Variants in MYO3A observed in about 807,000 individuals in gnomAD.
MYO3A encodes the protein myosin-IIIa.
In MYO3A, 180 loss-of-function variants were observed where a neutral mutation model predicts 192.7. The observed-to-expected ratio is 0.93, with a 90% CI of 0.83 to 1.06. The LOEUF (loss-of-function observed/expected upper bound fraction) is 1.06. Ranked by LOEUF, MYO3A falls within the 50% of genes least tolerant of loss-of-function variation. MYO3A has a pLI of 0.00. For synonymous variants in MYO3A, 628 were observed against 645.3 expected, an observed-to-expected ratio of 0.97 and a Z score of 0.41; for missense variants, 1,896 against 1,905.0, an observed-to-expected ratio of 1.00 and a Z score of 0.09.
intron 14 of MYO3A, among the ~76,000 whole-genome samples, chr10:26,086,941 TAA>T (rs1836366032): frequency 6.6e-6 from 1 of 152,154 alleles, no homozygotes; most frequent in Admixed American, 6.5e-5. Context: ...CTTCTTAATC[TAA>T]TCTCTTTGTC....
At chr10:25,962,628 T>A (rs1451740529) in intron 4 of MYO3A, among the ~76,000 whole-genome samples, 1 of 152,156 alleles carries the variant, frequency 6.6e-6, no homozygotes, top group Non-Finnish European at 1.5e-5. Context: ...TTGACTGACT[T>A]GTTTAGTGAG....
chr10:26,014,656 G>T (rs36024300), intron 6 of MYO3A, among the ~76,000 whole-genome samples: 47,093 of 151,736 alleles, frequency 0.31, 7,834 homozygotes, highest in Middle Eastern at 0.45. Flanking sequence ...CTCCCAAGTT[G>T]ACACATAAAA....
intron 10 of MYO3A, among the ~76,000 whole-genome samples, chr10:26,060,539 C>T (rs1386050403): frequency 1.5e-5 from 2 of 131,444 alleles, no homozygotes; most frequent in Non-Finnish European, 1.7e-5. Context: ...CCAAAATTCA[C>T]AGCTCTCACT....
At chr10:26,199,699 G>A (rs1281213380) in intron 32 of MYO3A, among the ~76,000 whole-genome samples, 2 of 152,148 alleles carry the variant, frequency 1.3e-5, no homozygotes, top group African/African-American at 4.8e-5. Flanking sequence ...AGAAGGAAGT[G>A]CTGATCTAGT....
intron 9 of MYO3A, among the ~76,000 whole-genome samples, chr10:26,024,683 T>C (rs1842461348): frequency 6.6e-6 from 1 of 152,172 alleles, no homozygotes; most frequent in Admixed American, 6.5e-5. Context: ...TCCCTTAGCA[T>C]TTGCTTGTCT....
chr10:26,050,871 A>C (rs1843955621), intron 10 of MYO3A, among the ~76,000 whole-genome samples: 2 of 152,236 alleles, frequency 1.3e-5, no homozygotes, highest in South Asian at 4.1e-4. Context: ...ATTTGCTAAC[A>C]GACTTAATGA....
At chr10:26,110,692 G>C (rs1838110769) in intron 17 of MYO3A, among the ~76,000 whole-genome samples, 1 of 152,158 alleles carries the variant, frequency 6.6e-6, no homozygotes, top group South Asian at 2.1e-4. Flanking sequence ...GTAAAGGATA[G>C]AGTGTGCATA....
At chr10:26,201,778 TATATATA>T (rs1332377966) in intron 33 of MYO3A, among the ~76,000 whole-genome samples, 2 of 152,244 alleles carry the variant, frequency 1.3e-5, no homozygotes, top group African/African-American at 4.8e-5. Flanking sequence ...ATATGTGATT[TATATATA>T]ATTTATAAGA....
intron 4 of MYO3A, among the ~76,000 whole-genome samples, chr10:25,970,065 A>C (rs1838524683): frequency 1.3e-5 from 2 of 152,150 alleles, no homozygotes; most frequent in South Asian, 4.1e-4. Flanking sequence ...ATGTGTCAAA[A>C]ACTAAGAGAA....
intron 17 of MYO3A, among the ~76,000 whole-genome samples, chr10:26,104,893 A>C (rs925209336): frequency 2.8e-5 from 4 of 144,274 alleles, no homozygotes; most frequent in African/African-American, 1.0e-4. Flanking sequence ...ACACACACAC[A>C]CACCCATGCA....
intron 31 of MYO3A, among the ~76,000 whole-genome samples, chr10:26,191,036 A>T (rs561836216): frequency 6.6e-6 from 1 of 152,210 alleles, no homozygotes; most frequent in Non-Finnish European, 1.5e-5. Context: ...TCAGATTTTA[A>T]ATAATATTGA....
intron 27 of MYO3A, among the ~76,000 whole-genome samples, chr10:26,167,477 A>T (rs1256374811): frequency 6.6e-6 from 1 of 152,202 alleles, no homozygotes; most frequent in Non-Finnish European, 1.5e-5. Context: ...ATGGTCTGAA[A>T]CACATGCCTA....
chr10:26,110,869 C>CTTTTT, intron 17 of MYO3A, among the ~76,000 whole-genome samples: 1 of 130,408 alleles, frequency 7.7e-6, no homozygotes, highest in South Asian at 2.5e-4. Context: ...GTTTTCTTTT[C>CTTTTT]TTTTTTTTTT....
At chr10:26,136,953 G>A (rs1206082834) in intron 20 of MYO3A, among the ~76,000 whole-genome samples, 12 of 151,982 alleles carry the variant, frequency 7.9e-5, no homozygotes, top group Non-Finnish European at 1.8e-4. Context: ...AGGAGGCAGA[G>A]TTTGCAGTGA....
At chr10:26,051,440 C>G (rs926923965) in intron 10 of MYO3A, among the ~76,000 whole-genome samples, 40 of 151,428 alleles carry the variant, frequency 2.6e-4, no homozygotes, top group African/African-American at 8.0e-4. Flanking sequence ...CTAATCGTTG[C>G]TACTGGCTTG....
At chr10:25,980,386 G>C (rs1006303512) in intron 4 of MYO3A, among the ~76,000 whole-genome samples, 23 of 152,134 alleles carry the variant, frequency 1.5e-4, no homozygotes, top group African/African-American at 4.1e-4. Context: ...AGTCATCTTT[G>C]ATGCACTTGA....
chr10:26,108,629 A>C (rs1837974478), intron 17 of MYO3A, among the ~76,000 whole-genome samples: 1 of 152,186 alleles, frequency 6.6e-6, no homozygotes, highest in African/African-American at 2.4e-5. Flanking sequence ...CTGCTTGCCA[A>C]AAGTAATATT....
Position 26,125,557 on chromosome 10 carries a change from G to T in MYO3A, c.2063G>T (p.Ser688Ile). ...AAAACTTTATATGGACGTCTCTTTA[G>T]TTGGATAGTCAATTGCATTAACAGT... ...MAKTLYGRLF[S>I]WIVNCINSLL... The change falls in exon 19 of 35, where the codon AGT becomes ATT. Residue 688 changes from serine to isoleucine, a missense_variant. By Grantham distance (142) the Ser-to-Ile change is moderately radical. Transcript: ENST00000642920. 6.2e-7 allele frequency: 1 copy of T among 1,614,020 alleles called. No homozygotes were observed. Among genetic ancestry groups the T allele is most frequent in the South Asian group, 1.1e-5 (1 of 91,082 alleles).
chr10:26,159,229 A>T (rs1258766598), intron 26 of MYO3A, among the ~76,000 whole-genome samples: 1 of 151,266 alleles, frequency 6.6e-6, no homozygotes, highest in Non-Finnish European at 1.5e-5. Flanking sequence ...TGACCTCGTG[A>T]TCCGCCCACC....
Sources: gnomAD v4.1 joint callset for allele counts (sites outside exome capture counted in the v4.1 genomes callset) on GRCh38, gnomAD v4.1.1 for gene constraint, MANE v1.5 for transcripts, NCBI Gene and HGNC (gene_info 2026-07-23, HGNC 2026-07-21) for gene names.